SPAG16: variants seen among roughly 807,000 people sequenced by gnomAD.
SPAG16 encodes the protein sperm associated antigen 16.
In SPAG16, 86 loss-of-function variants were observed where a neutral mutation model predicts 80.4. The ratio of observed to expected loss-of-function variants is 1.07; its 90% CI spans 0.90 to 1.28. The LOEUF is 1.28. SPAG16 is among the 50% of genes most tolerant of loss of function. SPAG16 has a pLI of 0.00. For missense variants in SPAG16, 870 were observed against 765.3 expected, an observed-to-expected ratio of 1.14 and a Z score of -1.61; for synonymous variants, 294 against 265.9, an observed-to-expected ratio of 1.11 and a Z score of -1.03.
chr2:213,901,251 TC>T (rs1485688910), intron 11 of SPAG16, among the ~76,000 whole-genome samples: 1 of 152,200 alleles, frequency 6.6e-6, no homozygotes, highest in Non-Finnish European at 1.5e-5. Flanking sequence ...GGCCTAAGTA[TC>T]GTAGCAGCCT....
At chr2:214,124,466 T>C (rs2054374841) in intron 14 of SPAG16, among the ~76,000 whole-genome samples, 1 of 151,860 alleles carries the variant, frequency 6.6e-6, no homozygotes, top group Non-Finnish European at 1.5e-5. Flanking sequence ...ATTTAAAAAG[T>C]ATAAAAAACT....
chr2:213,318,951 T>G (rs1170805835), intron 5 of SPAG16, among the ~76,000 whole-genome samples: 1 of 151,980 alleles, frequency 6.6e-6, no homozygotes, highest in East Asian at 1.9e-4. Context: ...GCCAGATCTC[T>G]CCACACCTTT....
chr2:214,193,485 G>A (rs1559119574), intron 15 of SPAG16, among the ~76,000 whole-genome samples: 1 of 150,140 alleles, frequency 6.7e-6, no homozygotes, highest in Admixed American at 6.7e-5. Flanking sequence ...TCAAAGCTAT[G>A]TCTGCCAAGA....
intron 15 of SPAG16, among the ~76,000 whole-genome samples, chr2:214,262,029 C>T (rs1296208203): frequency 6.6e-6 from 1 of 152,038 alleles, no homozygotes; most frequent in Non-Finnish European, 1.5e-5. Flanking sequence ...TTAGACCTTA[C>T]AGTTTAATAT....
intron 10 of SPAG16, among the ~76,000 whole-genome samples, chr2:213,598,801 G>T (rs2060964995): frequency 6.6e-6 from 1 of 152,126 alleles, no homozygotes; most frequent in South Asian, 2.1e-4. Context: ...AGTTTCACAT[G>T]ACATATTTTG....
At chr2:214,398,223 A>T (rs778701907) in intron 15 of SPAG16, among the ~76,000 whole-genome samples, 16 of 152,190 alleles carry the variant, frequency 1.1e-4, no homozygotes, top group Non-Finnish European at 4.4e-5. Flanking sequence ...CAACCTCTTG[A>T]TCCAGCCATT....
At chr2:213,882,458 G>T (rs1459653017) in intron 11 of SPAG16, among the ~76,000 whole-genome samples, 6 of 151,788 alleles carry the variant, frequency 4.0e-5, no homozygotes, top group Admixed American at 6.6e-5. Context: ...GGCTTTTTGG[G>T]TTTTTTTCTG....
chr2:213,359,011 C>T (rs2065829856), intron 7 of SPAG16, among the ~76,000 whole-genome samples: 1 of 152,128 alleles, frequency 6.6e-6, no homozygotes, highest in Non-Finnish European at 1.5e-5. Context: ...ACAGTCAGGC[C>T]CCTTAGCTGC....
At chr2:213,387,630 A>T (rs1407740745) in intron 9 of SPAG16, among the ~76,000 whole-genome samples, 1 of 146,926 alleles carries the variant, frequency 6.8e-6, no homozygotes, top group Non-Finnish European at 1.5e-5. Flanking sequence ...AATTTTTTGT[A>T]TTTTTAGTAG....
intron 9 of SPAG16, among the ~76,000 whole-genome samples, chr2:213,461,970 T>C (rs1394540248): frequency 5.3e-5 from 8 of 152,180 alleles, no homozygotes; most frequent in Admixed American, 5.2e-4. Flanking sequence ...ACAGTGACAA[T>C]GCCTGGACAG....
chr2:213,837,679 G>T (rs2074159490), intron 10 of SPAG16, among the ~76,000 whole-genome samples: 1 of 152,136 alleles, frequency 6.6e-6, no homozygotes, highest in Non-Finnish European at 1.5e-5. Context: ...CCAAAACCCG[G>T]AATCCATAAA....
chr2:213,391,024 C>T (rs1049051777), intron 9 of SPAG16, among the ~76,000 whole-genome samples: 7 of 152,156 alleles, frequency 4.6e-5, no homozygotes, highest in Non-Finnish European at 7.3e-5. Flanking sequence ...AATCCCAGCA[C>T]TTTGGGAGGC....
chr2:213,589,117 CTT>C (rs1297604173), intron 10 of SPAG16, among the ~76,000 whole-genome samples: 17 of 152,124 alleles, frequency 1.1e-4, no homozygotes, highest in African/African-American at 4.1e-4. Context: ...ACAATACTCT[CTT>C]GTGAACAAAG....
intron 10 of SPAG16, among the ~76,000 whole-genome samples, chr2:213,535,097 A>G (rs1210566518): frequency 6.6e-6 from 1 of 152,118 alleles, no homozygotes; most frequent in Non-Finnish European, 1.5e-5. Context: ...ATGTTATTTT[A>G]TTACCTGGTC....
rs554311535 is a variant in SPAG16 at position 213,668,943 on chromosome 2, C to T, written c.1070+178853C>T. Among the ~76,000 whole-genome samples, 244 of 152,166 alleles carry T rather than the reference C, an allele frequency of 1.6e-3. 2 individuals are homozygous for T. Among genetic ancestry groups the T allele is most frequent in the African/African-American group, 5.2e-3 (216 of 41,536 alleles). On this transcript the variant is annotated intron_variant, in intron 10 of 15. Transcript: ENST00000331683. ...GATTACAGGCATGAGCCACTGCGCCCGGCCTGAGAAATATAATAGTATTTC... is the reference window on the plus strand; with the variant it reads ...GATTACAGGCATGAGCCACTGCGCCTGGCCTGAGAAATATAATAGTATTTC...
chr2:213,303,444 T>G (rs2062822903), intron 3 of SPAG16, among the ~76,000 whole-genome samples: 1 of 148,414 alleles, frequency 6.7e-6, no homozygotes. Context: ...TTACTATAAA[T>G]TATTGTTGAA....
intron 12 of SPAG16, among the ~76,000 whole-genome samples, chr2:213,932,851 TA>T (rs2078825731): frequency 6.6e-6 from 1 of 152,166 alleles, no homozygotes; most frequent in Non-Finnish European, 1.5e-5. Flanking sequence ...TTCCATACTC[TA>T]CAAGGTTTCT....
At chr2:213,433,397 G>A (rs2070423036) in intron 9 of SPAG16, among the ~76,000 whole-genome samples, 1 of 152,124 alleles carries the variant, frequency 6.6e-6, no homozygotes, top group South Asian at 2.1e-4. Context: ...AATGTATTTA[G>A]TAAAGTTTTA....
intron 10 of SPAG16, among the ~76,000 whole-genome samples, chr2:213,566,495 T>C (rs1374024938): frequency 6.6e-6 from 1 of 152,166 alleles, no homozygotes; most frequent in African/African-American, 2.4e-5. Flanking sequence ...TTTAATTACT[T>C]TAAAAATCCA....
Sources: gnomAD v4.1 joint callset for allele counts (sites outside exome capture counted in the v4.1 genomes callset) on GRCh38, gnomAD v4.1.1 for gene constraint, MANE v1.5 for transcripts, NCBI Gene and HGNC (gene_info 2026-07-23, HGNC 2026-07-21) for gene names.